Variants in LOC128092253 observed in about 807,000 individuals in gnomAD.
At chr6:133,963,430 TTTTTA>T in the LOC128092253 span, among the ~76,000 whole-genome samples, 1 of 152,152 alleles carries the variant, frequency 6.6e-6, no homozygotes, top group East Asian at 1.9e-4. Context: ...TCTTTTGGTC[TTTTTA>T]TTTGTTTAAG....
chr6:133,975,326 T>G, the LOC128092253 span, among the ~76,000 whole-genome samples: 44 of 152,112 alleles, frequency 2.9e-4, no homozygotes, highest in African/African-American at 1.0e-3. Flanking sequence ...AATGGAAAAT[T>G]TAATTAAGCA....
At chr6:133,965,769 G>T in the LOC128092253 span, among the ~76,000 whole-genome samples, 1 of 152,138 alleles carries the variant, frequency 6.6e-6, no homozygotes, top group Non-Finnish European at 1.5e-5. Context: ...ACTACAGTGA[G>T]TAACTAGAAA....
the LOC128092253 span, among the ~76,000 whole-genome samples, chr6:133,963,708 C>T: frequency 6.6e-6 from 1 of 151,866 alleles, no homozygotes; most frequent in Non-Finnish European, 1.5e-5. Flanking sequence ...GGCATGAGTC[C>T]ACCAGGCCTG....
chr6:133,976,907 G>A, the LOC128092253 span, among the ~76,000 whole-genome samples: 4 of 151,254 alleles, frequency 2.6e-5, no homozygotes, highest in African/African-American at 4.9e-5. Context: ...GGCGGAGGTT[G>A]CCGTGAGCCA....
the LOC128092253 span, among the ~76,000 whole-genome samples, chr6:133,964,123 A>T: frequency 1.3e-5 from 2 of 152,120 alleles, no homozygotes; most frequent in Non-Finnish European, 2.9e-5. Flanking sequence ...TTTTACTTGT[A>T]TATTATCATT....
At chr6:133,955,357 G>A in the LOC128092253 span, among the ~76,000 whole-genome samples, 1 of 151,518 alleles carries the variant, frequency 6.6e-6, no homozygotes, top group Admixed American at 6.6e-5. Context: ...AACTTTGGTG[G>A]TAGTTTAGTT....
At chr6:133,972,747 A>G in the LOC128092253 span, among the ~76,000 whole-genome samples, 1 of 152,124 alleles carries the variant, frequency 6.6e-6, no homozygotes, top group African/African-American at 2.4e-5. Context: ...TTTTGCATCA[A>G]TTCATTAAAT....
chr6:133,980,006 C>A, the LOC128092253 span: 1 of 1,093,700 alleles, frequency 9.1e-7, no homozygotes, highest in Non-Finnish European at 1.2e-6. Context: ...TCATTTTTTA[C>A]ATTTCAATTT....
At chr6:133,976,935 T>A in the LOC128092253 span, among the ~76,000 whole-genome samples, 1 of 142,546 alleles carries the variant, frequency 7.0e-6, no homozygotes, top group Non-Finnish European at 1.5e-5. Flanking sequence ...GTCACAGCCC[T>A]CCAGCCTGGG....
At chr6:133,966,062 CAGAGACAGAG>C in the LOC128092253 span, among the ~76,000 whole-genome samples, 2 of 152,100 alleles carry the variant, frequency 1.3e-5, no homozygotes, top group Non-Finnish European at 2.9e-5. Flanking sequence ...TCTTCAACTT[CAGAGACAGAG>C]AGAGACAGAA....
At chr6:133,976,236 T>A in the LOC128092253 span, among the ~76,000 whole-genome samples, 1 of 152,144 alleles carries the variant, frequency 6.6e-6, no homozygotes, top group Non-Finnish European at 1.5e-5. Flanking sequence ...AACGAAATAA[T>A]TTGGAATTCT....
chr6:133,975,690 A>G, the LOC128092253 span, among the ~76,000 whole-genome samples: 451 of 152,294 alleles, frequency 3.0e-3, 1 homozygote, highest in Non-Finnish European at 3.9e-3. Flanking sequence ...ATCAAGAATT[A>G]ATTGGATTTA....
At chr6:133,968,509 A>T in the LOC128092253 span, among the ~76,000 whole-genome samples, 1 of 152,190 alleles carries the variant, frequency 6.6e-6, no homozygotes, top group Admixed American at 6.5e-5. Flanking sequence ...CATTGCTTTA[A>T]TAGAGCATAT....
At chr6:133,966,097 A>AGTGTGTGTGCAT in the LOC128092253 span, among the ~76,000 whole-genome samples, 1 of 151,946 alleles carries the variant, frequency 6.6e-6, no homozygotes, top group Non-Finnish European at 1.5e-5. Flanking sequence ...ACAGAGAGAG[A>AGTGTGTGTGCAT]GTGTGTGTGC....
At chr6:133,973,223 A>G in the LOC128092253 span, among the ~76,000 whole-genome samples, 1 of 152,162 alleles carries the variant, frequency 6.6e-6, no homozygotes, top group East Asian at 1.9e-4. Context: ...GAAAAGAGCT[A>G]TCTCTAGGAG....
chr6:133,964,146 C>T, the LOC128092253 span, among the ~76,000 whole-genome samples: 1 of 152,128 alleles, frequency 6.6e-6, no homozygotes, highest in Admixed American at 6.5e-5. Flanking sequence ...ATTACTCACC[C>T]TACTGTTGTG....
the LOC128092253 span, among the ~76,000 whole-genome samples, chr6:133,971,909 G>A: frequency 1.3e-5 from 2 of 152,002 alleles, no homozygotes; most frequent in African/African-American, 2.4e-5. Context: ...TAGTTTCCTG[G>A]GCTGTGCAAA....
chr6:133,958,209 G>C, the LOC128092253 span, among the ~76,000 whole-genome samples: 3 of 152,168 alleles, frequency 2.0e-5, no homozygotes, highest in African/African-American at 7.2e-5. Context: ...TTGTTTAGCT[G>C]TATGATACTT....
the LOC128092253 span, among the ~76,000 whole-genome samples, chr6:133,953,782 C>A: frequency 6.6e-6 from 1 of 152,080 alleles, no homozygotes; most frequent in Admixed American, 6.5e-5. Context: ...AAAAGAGATT[C>A]CTCATCTGTC....
Sources: allele counts gnomAD v4.1 joint callset (sites outside exome capture counted in the v4.1 genomes callset), GRCh38; gene constraint gnomAD v4.1.1; transcripts MANE v1.5.